Variants in NPAS3 observed in about 807,000 individuals in gnomAD.
NPAS3 encodes the protein neuronal PAS domain protein 3.
NPAS3 carries 14 observed loss-of-function variants against 73.1 expected under a neutral mutation model. The ratio of observed to expected loss-of-function variants is 0.19; its 90% CI spans 0.13 to 0.30. The LOEUF is 0.30. Among genes scored for constraint, NPAS3 ranks in the 10% least tolerant of loss-of-function variants. The pLI is 1.00. For synonymous variants in NPAS3, 620 were observed against 541.5 expected, an observed-to-expected ratio of 1.14 and a Z score of -2.01; for missense variants, 1,096 against 1,250.0, an observed-to-expected ratio of 0.88 and a Z score of 1.86.
At chr14:32,958,658 C>T (rs368013008) in intron 1 of NPAS3, among the ~76,000 whole-genome samples, 3 of 152,126 alleles carry the variant, frequency 2.0e-5, no homozygotes, top group Non-Finnish European at 4.4e-5. Context: ...TCTCTAAACC[C>T]GTATATACAG....
chr14:33,122,201 A>G (rs1455664443), intron 2 of NPAS3, among the ~76,000 whole-genome samples: 2 of 152,140 alleles, frequency 1.3e-5, no homozygotes, highest in African/African-American at 2.4e-5. Flanking sequence ...GCTCTTGTAC[A>G]TTTACACCCT....
At chr14:33,364,975 A>T (rs1289520083) in intron 3 of NPAS3, among the ~76,000 whole-genome samples, 5 of 149,840 alleles carry the variant, frequency 3.3e-5, no homozygotes, top group Non-Finnish European at 7.4e-5. Flanking sequence ...GATTTCTGTT[A>T]TCTAAAATTA....
At chr14:33,336,103 C>A (rs1359683261) in intron 3 of NPAS3, among the ~76,000 whole-genome samples, 1 of 152,124 alleles carries the variant, frequency 6.6e-6, no homozygotes, top group Non-Finnish European at 1.5e-5. Flanking sequence ...TTTATTATAG[C>A]CATTCTATTT....
intron 4 of NPAS3, among the ~76,000 whole-genome samples, chr14:33,444,530 A>T (rs1566909094): frequency 6.6e-6 from 1 of 152,244 alleles, no homozygotes; most frequent in African/African-American, 2.4e-5. Context: ...TAATGTCATT[A>T]TAAAGACATC....
chr14:33,025,928 A>G (rs1023282350), intron 1 of NPAS3, among the ~76,000 whole-genome samples: 3 of 152,196 alleles, frequency 2.0e-5, no homozygotes, highest in African/African-American at 7.2e-5. Flanking sequence ...AGAATGAACT[A>G]ATACAGTTGC....
At chr14:33,615,972 T>C (rs552448608) in intron 5 of NPAS3, among the ~76,000 whole-genome samples, 54 of 152,362 alleles carry the variant, frequency 3.5e-4, no homozygotes, top group Admixed American at 9.8e-4. Flanking sequence ...CAGTTCCTGA[T>C]GAGCCCAATA....
In NPAS3 at chr14:33,080,297, G is replaced by A. The variant is rs1186272130; in HGVS notation, c.140+24303G>A. Among the ~76,000 whole-genome samples, 25 of 152,038 alleles carry A rather than the reference G, an allele frequency of 1.6e-4. No homozygotes were observed. The East Asian group carries it at 3.9e-3, about 24-fold the overall frequency. On this transcript the variant is annotated intron_variant, in intron 2 of 11. Transcript: ENST00000356141. ...TAATTTTTGTATTTTTAGTAGAGAC[G>A]GGGTTTCATCGTGTTAGCCAGGATG...
intron 2 of NPAS3, among the ~76,000 whole-genome samples, chr14:33,153,039 T>C (rs1208027577): frequency 6.6e-6 from 1 of 152,098 alleles, no homozygotes; most frequent in Non-Finnish European, 1.5e-5. Flanking sequence ...TTTTCTCTCA[T>C]TTTTGTTGTT....
At chr14:33,396,772 T>G (rs1280795328) in intron 4 of NPAS3, among the ~76,000 whole-genome samples, 1 of 152,060 alleles carries the variant, frequency 6.6e-6, no homozygotes, top group Non-Finnish European at 1.5e-5. Context: ...ATATATACAC[T>G]TATGTGTATA....
At chr14:33,150,587 C>T (rs546234950) in intron 2 of NPAS3, among the ~76,000 whole-genome samples, 3 of 152,234 alleles carry the variant, frequency 2.0e-5, no homozygotes, top group South Asian at 2.1e-4. Flanking sequence ...AAATTCAATA[C>T]GTAAAGTTAT....
At chr14:33,532,819 T>G (rs1168960336) in intron 4 of NPAS3, among the ~76,000 whole-genome samples, 1 of 152,154 alleles carries the variant, frequency 6.6e-6, no homozygotes, top group Admixed American at 6.6e-5. Context: ...TCATTCTGCT[T>G]CAGGAAAGGA....
At chr14:33,211,074 G>A (rs2047016174) in intron 2 of NPAS3, among the ~76,000 whole-genome samples, 1 of 152,096 alleles carries the variant, frequency 6.6e-6, no homozygotes, top group African/African-American at 2.4e-5. Flanking sequence ...GCATTACTAT[G>A]TGTCAGGCAC....
chr14:33,284,352 C>G (rs187440304), intron 3 of NPAS3, among the ~76,000 whole-genome samples: 9 of 151,858 alleles, frequency 5.9e-5, no homozygotes, highest in Non-Finnish European at 1.3e-4. Flanking sequence ...AGATTCTTAA[C>G]TCTGCATAAT....
chr14:33,484,057 G>T lies in NPAS3; in HGVS notation c.469-76064G>T, dbSNP rs2051460800. Among the ~76,000 whole-genome samples, 2 of 152,148 alleles carry T rather than the reference G, an allele frequency of 1.3e-5. 1 individual carries two copies. Among genetic ancestry groups the T allele is most frequent in the South Asian group, 4.1e-4 (2 of 4,820 alleles). ...TAGGAGTACAGCAGTGAACACAACA[G>T]GCAAAAAGTGCTGCCTTCATGAAAT... On this transcript the variant is annotated intron_variant, in intron 4 of 11. Coordinates refer to ENST00000356141, the Ensembl canonical transcript of NPAS3.
chr14:33,540,251 CTG>C (rs1377126115), intron 4 of NPAS3, among the ~76,000 whole-genome samples: 1 of 152,206 alleles, frequency 6.6e-6, no homozygotes, highest in Non-Finnish European at 1.5e-5. Context: ...TACCAAATCT[CTG>C]TGCTTTTTTT....
chr14:33,703,219 G>A (rs1313642921), intron 6 of NPAS3, among the ~76,000 whole-genome samples: 2 of 152,124 alleles, frequency 1.3e-5, no homozygotes, highest in Non-Finnish European at 2.9e-5. Flanking sequence ...TGGGAGCAGT[G>A]GCTTATTCCC....
intron 1 of NPAS3, among the ~76,000 whole-genome samples, chr14:33,034,338 A>C (rs2040092470): frequency 6.6e-6 from 1 of 151,838 alleles, no homozygotes. Flanking sequence ...TTGAGTCTTC[A>C]TGCTCATTCT....
chr14:33,523,539 G>T lies in NPAS3; in HGVS notation c.469-36582G>T, dbSNP rs368126777. Reference sequence around the variant, plus strand: ...GCACTTTGGGAGGCTGAGGCAGATGGATCACCTGAGGTCAGGAGTTCGAAA... The same window carrying T: ...GCACTTTGGGAGGCTGAGGCAGATGTATCACCTGAGGTCAGGAGTTCGAAA... On this transcript the variant is annotated intron_variant, in intron 4 of 11. Coordinates refer to ENST00000356141, the Ensembl canonical transcript of NPAS3. 6.6e-5 allele frequency among the ~76,000 whole-genome samples: 10 copies of T among 151,538 alleles called. No individual in the cohort carries two copies. The South Asian group carries it at 1.9e-3, about 29-fold the overall frequency.
intron 1 of NPAS3, among the ~76,000 whole-genome samples, chr14:32,960,108 A>T (rs1244153504): frequency 6.6e-6 from 1 of 151,442 alleles, no homozygotes; most frequent in Non-Finnish European, 1.5e-5. Flanking sequence ...TGGTTATATG[A>T]TAGTAATAAA....
Sources: gnomAD v4.1 joint callset for allele counts (sites outside exome capture counted in the v4.1 genomes callset) on GRCh38, gnomAD v4.1.1 for gene constraint, MANE v1.5 for transcripts, NCBI Gene and HGNC (gene_info 2026-07-23, HGNC 2026-07-21) for gene names.